GRXCR2: variants seen among roughly 807,000 people sequenced by gnomAD.
GRXCR2 encodes the protein glutaredoxin and cysteine rich domain containing 2, also known as glutaredoxin domain-containing cysteine-rich protein 2.
A neutral mutation model predicts 24.8 loss-of-function variants in GRXCR2; 23 were observed. The ratio of observed to expected loss-of-function variants is 0.93; its 90% CI spans 0.67 to 1.32. The LOEUF (loss-of-function observed/expected upper bound fraction) is 1.32, where lower values mean the gene tolerates loss of function less well. Ranked by LOEUF, GRXCR2 falls within the 40% of genes most tolerant of loss-of-function variation. The pLI is 0.00. For synonymous variants in GRXCR2, 130 were observed against 116.1 expected (o/e 1.12, Z -0.77); for missense variants, 315 against 303.4 (o/e 1.04, Z -0.28).
chr5:145,897,103 G>A lies in GRXCR2; in HGVS notation c.-69-30375C>T, dbSNP rs144990296. 3.2e-3 allele frequency among the ~76,000 whole-genome samples: 431 copies of A among 134,234 alleles called. 5 individuals are homozygous for A. The highest frequency in any genetic ancestry group is 0.011 in the African/African-American group (410 of 36,072). The allele number at this position is 134,234 out of a possible 152,430, so 88.1% of individuals were successfully genotyped here. Reference sequence around the variant, plus strand: ...GAACAATGAGAACACATGGACACAGGAAGGGGAACATCATACACTGGGACC... The same window carrying A: ...GAACAATGAGAACACATGGACACAGAAAGGGGAACATCATACACTGGGACC... On this transcript the variant is annotated intron_variant, in intron 2 of 3. Coordinates refer to the GRXCR2 transcript ENST00000639411.
intron 2 of GRXCR2, among the ~76,000 whole-genome samples, chr5:145,864,349 G>A (rs1039952015): frequency 4.6e-5 from 7 of 152,162 alleles, no homozygotes; most frequent in Non-Finnish European, 1.0e-4. Flanking sequence ...GGCCAGCAGA[G>A]GCCAGGCTAC....
upstream of GRXCR2, among the ~76,000 whole-genome samples, chr5:145,877,647 C>T (rs1470108744): frequency 2.0e-5 from 3 of 152,204 alleles, no homozygotes; most frequent in East Asian, 1.9e-4. Flanking sequence ...AAGTGATCAA[C>T]GCAGAAGACA....
At chr5:145,887,022 T>G (rs567798922) in intron 2 of GRXCR2, among the ~76,000 whole-genome samples, 1 of 152,268 alleles carries the variant, frequency 6.6e-6, no homozygotes, top group African/African-American at 2.4e-5. Context: ...GTTGTTCCAA[T>G]CATATTTAAA....
chr5:145,907,863 C>T lies in GRXCR2; in HGVS notation c.-70+27838G>A, dbSNP rs190430186. Among the ~76,000 whole-genome samples the T allele has an allele frequency of 2.2e-4, 34 of 152,284 alleles. No individual in the cohort carries two copies. The East Asian group carries it at 5.4e-3, about 24-fold the overall frequency. On this transcript the variant is annotated intron_variant, in intron 2 of 3. Transcript: ENST00000639411. ...TATTAGCAGATGTGGGGAAGACAGACAGGAGCAAATTTAAGGATGAAGTTC... is the reference window on the plus strand; with the variant it reads ...TATTAGCAGATGTGGGGAAGACAGATAGGAGCAAATTTAAGGATGAAGTTC...
At chr5:145,861,352 A>AT (rs1756334959) in intron 2 of GRXCR2, among the ~76,000 whole-genome samples, 1 of 152,152 alleles carries the variant, frequency 6.6e-6, no homozygotes, top group Non-Finnish European at 1.5e-5. Flanking sequence ...GCCGATTTAA[A>AT]TTTTTTGTCA....
upstream of GRXCR2, among the ~76,000 whole-genome samples, chr5:145,874,208 T>A (rs577888061): frequency 3.3e-3 from 466 of 140,312 alleles, 3 homozygotes; most frequent in African/African-American, 0.015. Flanking sequence ...TATTTTATTT[T>A]ATTTTTTTTT....
At chr5:145,899,536 G>A (rs1756997072) in intron 2 of GRXCR2, among the ~76,000 whole-genome samples, 1 of 152,068 alleles carries the variant, frequency 6.6e-6, no homozygotes. Flanking sequence ...AACCAAAACA[G>A]TATGGTACTG....
chr5:145,897,943 G>A (rs371753683), intron 2 of GRXCR2, among the ~76,000 whole-genome samples: 171 of 151,956 alleles, frequency 1.1e-3, no homozygotes, highest in African/African-American at 4.0e-3. Context: ...CCCAAAGGTA[G>A]AGGAAGAAAA....
At chr5:145,874,732 G>A (rs1278877968), upstream of GRXCR2, among the ~76,000 whole-genome samples, 1 of 152,238 alleles carries the variant, frequency 6.6e-6, no homozygotes, top group Non-Finnish European at 1.5e-5. Flanking sequence ...CAGGGCTTAA[G>A]TCTTAACTGT....
At chr5:145,890,573 G>A (rs540473037) in intron 2 of GRXCR2, among the ~76,000 whole-genome samples, 1 of 152,256 alleles carries the variant, frequency 6.6e-6, no homozygotes, top group East Asian at 1.9e-4. Flanking sequence ...AGCAAGCACT[G>A]AGGGAATTTG....
At chr5:145,903,873 G>C (rs1422776092) in intron 2 of GRXCR2, among the ~76,000 whole-genome samples, 1 of 152,134 alleles carries the variant, frequency 6.6e-6, no homozygotes, top group Non-Finnish European at 1.5e-5. Context: ...AAAATGTTCT[G>C]GGAAATTTCA....
At chr5:145,876,815 C>T (rs1378933311), upstream of GRXCR2, among the ~76,000 whole-genome samples, 1 of 152,164 alleles carries the variant, frequency 6.6e-6, no homozygotes, top group Non-Finnish European at 1.5e-5. Context: ...CACAAATACA[C>T]TTCAAGAAGA....
At chr5:145,857,860 A>G (rs1051941131), downstream of GRXCR2, among the ~76,000 whole-genome samples, 3 of 152,208 alleles carry the variant, frequency 2.0e-5, no homozygotes, top group South Asian at 2.1e-4. Context: ...GTGCATTGCA[A>G]TTATCCATTT....
intron 2 of GRXCR2, among the ~76,000 whole-genome samples, chr5:145,911,123 GTGA>G (rs1320277432): frequency 2.6e-5 from 4 of 152,094 alleles, no homozygotes; most frequent in African/African-American, 9.7e-5. Flanking sequence ...GGTGTACAGC[GTGA>G]TGATTTGGTA....
intron 2 of GRXCR2, among the ~76,000 whole-genome samples, chr5:145,927,613 CTGTTGG>C (rs1757419094): frequency 6.6e-6 from 1 of 152,108 alleles, no homozygotes; most frequent in African/African-American, 2.4e-5. Flanking sequence ...TTTTGATGTG[CTGTTGG>C]ATTCGGTTTG....
At chr5:145,898,629 A>G (rs1443957452) in intron 2 of GRXCR2, among the ~76,000 whole-genome samples, 1 of 152,170 alleles carries the variant, frequency 6.6e-6, no homozygotes, top group South Asian at 2.1e-4. Flanking sequence ...TTGGTTCAAC[A>G]TACACAAGTA....
chr5:145,923,508 T>A (rs1388982864), intron 2 of GRXCR2, among the ~76,000 whole-genome samples: 1 of 152,180 alleles, frequency 6.6e-6, no homozygotes, highest in African/African-American at 2.4e-5. Context: ...CAAAACAGCA[T>A]AAAAAGTACT....
intron 2 of GRXCR2, among the ~76,000 whole-genome samples, chr5:145,885,097 C>CTG (rs59158357): frequency 0.35 from 52,168 of 147,652 alleles, 9,528 homozygotes; most frequent in East Asian, 0.68. Context: ...GTGTGTGTGT[C>CTG]TGTGTGTGTG....
intron 2 of GRXCR2, among the ~76,000 whole-genome samples, chr5:145,883,966 T>C (rs408553): frequency 0.021 from 3,158 of 152,240 alleles, 112 homozygotes; most frequent in African/African-American, 0.072. Context: ...TGATGGACAT[T>C]TAAGCAAGTG....
Sources: allele counts gnomAD v4.1 joint callset (sites outside exome capture counted in the v4.1 genomes callset), GRCh38; gene constraint gnomAD v4.1.1; transcripts MANE v1.5; gene names NCBI Gene and HGNC (gene_info 2026-07-23, HGNC 2026-07-21).